Variants in ARL13B observed in about 807,000 individuals in gnomAD.
ARL13B encodes ARF like GTPase 13B.
ARL13B carries 36 observed loss-of-function variants against 56.1 expected under a neutral mutation model. That is an observed-to-expected ratio of 0.64 (90% CI 0.49 to 0.85). The LOEUF is 0.85. Among genes scored for constraint, ARL13B ranks in the 40% least tolerant of loss-of-function variants. ARL13B has a pLI of 0.00. For missense variants in ARL13B, 519 were observed against 507.1 expected (o/e 1.02, Z -0.23); for synonymous variants, 178 against 171.1 (o/e 1.04, Z -0.32).
intron 5 of ARL13B, among the ~76,000 whole-genome samples, chr3:94,038,546 G>T: frequency 2.2e-5 from 2 of 90,308 alleles, no homozygotes; most frequent in Admixed American, 1.3e-4. Context: ...TTTTTGAGGT[G>T]GAATTTTGCT....
At chr3:93,990,560 T>C (rs2075854989) in intron 1 of ARL13B, among the ~76,000 whole-genome samples, 1 of 152,132 alleles carries the variant, frequency 6.6e-6, no homozygotes, top group South Asian at 2.1e-4. Context: ...ACGTGTGGAA[T>C]TTTCCACCGT....
chr3:94,004,914 C>T (rs1044184029), intron 3 of ARL13B, among the ~76,000 whole-genome samples: 1 of 151,820 alleles, frequency 6.6e-6, no homozygotes, highest in Admixed American at 6.6e-5. Context: ...TTTGCAGAAC[C>T]CCATAGGCTA....
intron 7 of ARL13B, among the ~76,000 whole-genome samples, chr3:94,048,493 A>G (rs906949565): frequency 6.6e-6 from 1 of 152,256 alleles, no homozygotes; most frequent in Non-Finnish European, 1.5e-5. Context: ...GAAAGAACAC[A>G]TTCAATTCTG....
chr3:94,003,053 A>C (rs570455811), intron 2 of ARL13B, among the ~76,000 whole-genome samples: 1 of 152,324 alleles, frequency 6.6e-6, no homozygotes, highest in South Asian at 2.1e-4. Flanking sequence ...TTTCGTATAT[A>C]GAAATCCAAA....
chr3:94,033,576 C>CT (rs1402407763), intron 3 of ARL13B, among the ~76,000 whole-genome samples: 1 of 152,010 alleles, frequency 6.6e-6, no homozygotes, highest in East Asian at 1.9e-4. Context: ...GAATATGGAA[C>CT]TATAAAGTTA....
Position 93,980,361 on chromosome 3 carries a change from A to G in ARL13B, c.-63A>G. On this transcript the variant is annotated 5_prime_UTR_variant, in exon 1 of 10. Coordinates refer to ENST00000394222, the MANE Select transcript of ARL13B (RefSeq NM_001174150.2). ...CTCGGAGTGCCGGAGGCCCCCGGGG[A>G]AGAGCGGGGTGCCGGTGTCCGCTCC... The G allele has an allele frequency of 1.3e-6, 2 of 1,596,468 alleles. No individual in the cohort carries two copies. Among genetic ancestry groups the G allele is most frequent in the South Asian group, 2.2e-5 (2 of 90,880 alleles).
chr3:94,019,626 C>G (rs922714146), intron 3 of ARL13B, among the ~76,000 whole-genome samples: 4 of 150,916 alleles, frequency 2.7e-5, no homozygotes, highest in Non-Finnish European at 4.4e-5. Context: ...ACACAGAATT[C>G]AGAGTTAAAA....
chr3:93,996,666 C>A, intron 2 of ARL13B: 2 of 425,602 alleles, frequency 4.7e-6, no homozygotes, highest in Non-Finnish European at 4.8e-6. Context: ...GCATGAGCCA[C>A]CACGCCCAGC....
In ARL13B at chr3:94,049,287, TTAAA is replaced by T. The variant is rs1407818809; in HGVS notation, c.1025-116_1025-113del. The T allele has an allele frequency of 5.2e-6, 3 of 580,270 alleles. No individual in the cohort carries two copies. The African/African-American group carries it at 5.7e-5, about 11-fold the overall frequency. The allele number at this position is 580,270 out of a possible 1,614,324, so 35.9% of individuals were successfully genotyped here. On this transcript the variant is annotated intron_variant, in intron 7 of 9. Transcript: ENST00000394222. ...TTGGTTATTGTAACAATTTCCAAAG[TTAAA>T]TAGTCAAGATGTTTTTTGTTAATAA...
At chr3:94,010,706 GA>G (rs1390864940) in intron 3 of ARL13B, among the ~76,000 whole-genome samples, 7 of 152,062 alleles carry the variant, frequency 4.6e-5, no homozygotes, top group African/African-American at 1.7e-4. Context: ...AGAGAACAAT[GA>G]AAACGGTTTC....
chr3:94,030,850 CTG>C (rs1242254766), intron 3 of ARL13B, among the ~76,000 whole-genome samples: 3 of 151,948 alleles, frequency 2.0e-5, no homozygotes, highest in Non-Finnish European at 4.4e-5. Context: ...TCATTAGAAA[CTG>C]TAGTTTTCAG....
intron 5 of ARL13B, 82 bp downstream of exon 5, chr3:94,036,836 T>G: frequency 4.9e-6 from 7 of 1,443,112 alleles, no homozygotes; most frequent in Non-Finnish European, 6.7e-6. Context: ...TAGTTTTATC[T>G]GTTCAGTTTC....
intron 2 of ARL13B, among the ~76,000 whole-genome samples, chr3:93,997,199 A>G (rs1449498385): frequency 6.6e-6 from 1 of 152,174 alleles, no homozygotes; most frequent in African/African-American, 2.4e-5. Context: ...AAAGTGCACA[A>G]TAAATGTAAT....
chr3:93,993,913 G>A (rs1296396532), intron 1 of ARL13B, among the ~76,000 whole-genome samples: 5 of 151,940 alleles, frequency 3.3e-5, no homozygotes, highest in African/African-American at 9.7e-5. Context: ...CACTGGCTTC[G>A]CCACCAGCCA....
chr3:94,038,061 T>C (rs559716446), intron 5 of ARL13B, among the ~76,000 whole-genome samples: 2 of 152,294 alleles, frequency 1.3e-5, no homozygotes, highest in African/African-American at 4.8e-5. Context: ...TCCAATCTAA[T>C]TGGTTCAGAT....
chr3:94,030,345 G>T (rs1235625757), intron 3 of ARL13B, among the ~76,000 whole-genome samples: 1 of 151,218 alleles, frequency 6.6e-6, no homozygotes, highest in Non-Finnish European at 1.5e-5. Context: ...TCATGCCTCA[G>T]CCTCCCGAGT....
chr3:94,053,177 C>A lies in ARL13B; in HGVS notation c.1211-10C>A, dbSNP rs202221552. On this transcript the variant is annotated splice_polypyrimidine_tract_variant and intron_variant, in intron 9 of 9. Transcript: ENST00000394222. ...CTGTTTTGTGCATTTGGTTTTCTTT[C>A]TTTTCTTAGATTTCTATAGGAAGCC... is the stretch of plus-strand genomic sequence containing the variant. 39 of 1,608,932 alleles carry A rather than the reference C, an allele frequency of 2.4e-5. No homozygotes were observed. Among genetic ancestry groups the A allele is most frequent in the Non-Finnish European group, 2.5e-6 (3 of 1,178,814 alleles).
chr3:94,047,213 A>G (rs1180645385), intron 7 of ARL13B, among the ~76,000 whole-genome samples: 1 of 152,216 alleles, frequency 6.6e-6, no homozygotes, highest in African/African-American at 2.4e-5. Context: ...CACAGGGCTT[A>G]TGAAAATAAG....
chr3:94,020,231 T>A (rs1001143754), intron 3 of ARL13B, among the ~76,000 whole-genome samples: 2 of 152,198 alleles, frequency 1.3e-5, no homozygotes, highest in Non-Finnish European at 2.9e-5. Context: ...TATGTTGAGA[T>A]CTTGATATCT....
Sources: gnomAD v4.1 joint callset for allele counts (sites outside exome capture counted in the v4.1 genomes callset) on GRCh38, gnomAD v4.1.1 for gene constraint, MANE v1.5 for transcripts, NCBI Gene and HGNC (gene_info 2026-07-23, HGNC 2026-07-21) for gene names.